The following GRIK2 variants were observed in gnomAD, a reference collection of about 807,000 sequenced individuals.
The protein encoded by GRIK2 is glutamate receptor ionotropic, kainate 2.
GRIK2 carries 32 observed loss-of-function variants against 100.3 expected under a neutral mutation model. The ratio of observed to expected loss-of-function variants is 0.32; its 90% CI spans 0.24 to 0.43. GRIK2 has a LOEUF of 0.43. GRIK2 is among the 20% of genes least tolerant of loss of function. GRIK2 has a pLI of 1.00. For synonymous variants in GRIK2, 417 were observed against 389.4 expected, an observed-to-expected ratio of 1.07 and a Z score of -0.83; for missense variants, 843 against 1,114.9, an observed-to-expected ratio of 0.76 and a Z score of 3.47.
chr6:102,000,835 A>C (rs1160243812), intron 14 of GRIK2, among the ~76,000 whole-genome samples: 1 of 152,116 alleles, frequency 6.6e-6, no homozygotes, highest in East Asian at 1.9e-4. Context: ...TGAAAGAGTC[A>C]GATTTAGATT....
At chr6:101,862,624 T>C (rs1313688765) in intron 11 of GRIK2, among the ~76,000 whole-genome samples, 1 of 152,002 alleles carries the variant, frequency 6.6e-6, no homozygotes, top group Non-Finnish European at 1.5e-5. Context: ...GTGGTCTTGC[T>C]ATGTTGCTCA....
rs187821691 is a variant in GRIK2, at chr6:101,583,858, T to C, written c.116-38091T>C. ...AAAGATGGGAATTTAATTGCTCTCA[T>C]CAAACATATTGCCTAATAAATTGCT... On this transcript the variant is annotated intron_variant, in intron 2 of 16. Coordinates refer to ENST00000369134, the MANE Select transcript of GRIK2 (RefSeq NM_021956.5). 1.6e-3 allele frequency among the ~76,000 whole-genome samples: 249 copies of C among 152,248 alleles called. 4 individuals are homozygous for C. Among genetic ancestry groups the C allele is most frequent in the Admixed American group, 0.015 (228 of 15,250 alleles).
chr6:101,682,050 T>G (rs1234545728), intron 5 of GRIK2, among the ~76,000 whole-genome samples: 3 of 152,232 alleles, frequency 2.0e-5, no homozygotes, highest in African/African-American at 7.2e-5. Context: ...TCTTTAATTA[T>G]ATGTAATTTT....
chr6:101,443,930 G>A (rs997952791), intron 2 of GRIK2, among the ~76,000 whole-genome samples: 7 of 149,842 alleles, frequency 4.7e-5, no homozygotes, highest in African/African-American at 1.7e-4. Context: ...TGTCTTCTCG[G>A]CTGGAGTGTA....
chr6:101,595,425 T>G (rs1304926813), intron 2 of GRIK2, among the ~76,000 whole-genome samples: 2 of 151,660 alleles, frequency 1.3e-5, no homozygotes, highest in African/African-American at 4.8e-5. Flanking sequence ...TCAATACATC[T>G]TTATTTATAA....
intron 10 of GRIK2, among the ~76,000 whole-genome samples, chr6:101,836,684 G>GTTTTTTT (rs1783138832): frequency 9.7e-5 from 1 of 10,296 alleles, no homozygotes; most frequent in Non-Finnish European, 3.8e-4. Flanking sequence ...TTTTTTTTTT[G>GTTTTTTT]AGACAGAGTC....
chr6:101,535,157 T>G (rs1775629107), intron 2 of GRIK2, among the ~76,000 whole-genome samples: 1 of 151,724 alleles, frequency 6.6e-6, no homozygotes, highest in African/African-American at 2.4e-5. Context: ...AAAAACAGAA[T>G]TCTATTAATG....
At chr6:101,629,865 C>T (rs1336576258) in intron 4 of GRIK2, among the ~76,000 whole-genome samples, 1 of 152,014 alleles carries the variant, frequency 6.6e-6, no homozygotes, top group Non-Finnish European at 1.5e-5. Context: ...AACCTCTTCT[C>T]TCCCTCCCCA....
intron 2 of GRIK2, among the ~76,000 whole-genome samples, chr6:101,503,810 C>A (rs2128275063): frequency 6.6e-6 from 1 of 152,140 alleles, no homozygotes; most frequent in South Asian, 2.1e-4. Context: ...TTTTGCCAAC[C>A]AAACTCTATG....
intron 12 of GRIK2, among the ~76,000 whole-genome samples, chr6:101,918,604 C>G (rs1222918432): frequency 1.3e-5 from 2 of 151,708 alleles, no homozygotes; most frequent in African/African-American, 4.8e-5. Context: ...CATATTATCT[C>G]TCATGCTGAG....
At chr6:101,659,677 A>G (rs1769461610) in intron 4 of GRIK2, among the ~76,000 whole-genome samples, 1 of 152,150 alleles carries the variant, frequency 6.6e-6, no homozygotes, top group Non-Finnish European at 1.5e-5. Flanking sequence ...TGGTGACAAA[A>G]TGTCTCAGCA....
chr6:101,571,128 G>A (rs903933488), intron 2 of GRIK2, among the ~76,000 whole-genome samples: 1 of 152,104 alleles, frequency 6.6e-6, no homozygotes, highest in East Asian at 1.9e-4. Context: ...GAATTAGGTT[G>A]CTATTTAAAA....
At chr6:101,707,475 A>G (rs1202416356) in intron 7 of GRIK2, among the ~76,000 whole-genome samples, 1 of 146,396 alleles carries the variant, frequency 6.8e-6, no homozygotes, top group African/African-American at 2.5e-5. Context: ...TATATATAAT[A>G]TATAAATATA....
chr6:101,826,383 C>T (rs190625002), intron 10 of GRIK2, among the ~76,000 whole-genome samples: 2 of 151,978 alleles, frequency 1.3e-5, no homozygotes, highest in Admixed American at 6.6e-5. Flanking sequence ...TGGATGAAGA[C>T]GTAAAGGTTA....
At chr6:101,868,004 A>G (rs1785161039) in intron 11 of GRIK2, among the ~76,000 whole-genome samples, 1 of 151,630 alleles carries the variant, frequency 6.6e-6, no homozygotes, top group Non-Finnish European at 1.5e-5. Context: ...AAATGTCTGT[A>G]AAAAATGTTT....
intron 2 of GRIK2, among the ~76,000 whole-genome samples, chr6:101,544,724 T>C (rs919121620): frequency 1.3e-5 from 2 of 152,206 alleles, no homozygotes; most frequent in Admixed American, 6.5e-5. Flanking sequence ...ATCTTCACAA[T>C]AGCCCTTTGA....
intron 11 of GRIK2, among the ~76,000 whole-genome samples, chr6:101,889,117 T>C (rs780727571): frequency 7.2e-5 from 11 of 152,236 alleles, no homozygotes; most frequent in Non-Finnish European, 1.5e-4. Flanking sequence ...CACTGAGAGA[T>C]GTTTCAAACA....
At chr6:101,559,984 G>A (rs536179580) in intron 2 of GRIK2, among the ~76,000 whole-genome samples, 60 of 152,188 alleles carry the variant, frequency 3.9e-4, no homozygotes, top group Middle Eastern at 3.4e-3. Flanking sequence ...AAGGGTATAT[G>A]GACAAAGCAC....
intron 7 of GRIK2, among the ~76,000 whole-genome samples, chr6:101,723,071 G>T (rs959774800): frequency 6.6e-6 from 1 of 152,036 alleles, no homozygotes; most frequent in African/African-American, 2.4e-5. Context: ...GAAAGAATGA[G>T]TAGTTAGAGT....
Sources: allele counts gnomAD v4.1 joint callset (sites outside exome capture counted in the v4.1 genomes callset), GRCh38; gene constraint gnomAD v4.1.1; transcripts MANE v1.5; gene names NCBI Gene and HGNC (gene_info 2026-07-23, HGNC 2026-07-21).